Variants in GPC6 observed in about 807,000 individuals in gnomAD.
GPC6 encodes glypican 6.
A neutral mutation model predicts 55.2 loss-of-function variants in GPC6; 14 were observed. The ratio of observed to expected loss-of-function variants is 0.25; its 90% CI spans 0.17 to 0.40. GPC6 has a LOEUF of 0.40. GPC6 is among the 10% of genes least tolerant of loss of function. The pLI is 1.00. For missense variants in GPC6, 641 were observed against 708.5 expected (o/e 0.90, Z 1.08); for synonymous variants, 278 against 259.6 (o/e 1.07, Z -0.68).
At position 93,368,779 on chromosome 13, in the gene GPC6, A is replaced by G. The variant is rs1041437402; in HGVS notation, c.160+141163A>G. On this transcript the variant is annotated intron_variant, in intron 1 of 8. Coordinates refer to ENST00000377047, the MANE Select transcript of GPC6 (RefSeq NM_005708.5). ...CAAAGCATCCAAAACAGCCAAAGCTATTCTACTTATGGTTGTTAATGGACA... is the reference window on the plus strand; with the variant it reads ...CAAAGCATCCAAAACAGCCAAAGCTGTTCTACTTATGGTTGTTAATGGACA... Among the ~76,000 whole-genome samples the G allele has an allele frequency of 6.7e-4, 102 of 152,110 alleles. 3 individuals carry two copies. The highest frequency in any genetic ancestry group is 3.3e-4 in the Admixed American group (5 of 15,254).
At chr13:93,608,472 G>A (rs1282879062) in intron 2 of GPC6, among the ~76,000 whole-genome samples, 1 of 152,160 alleles carries the variant, frequency 6.6e-6, no homozygotes, top group Non-Finnish European at 1.5e-5. Flanking sequence ...ATAATGTGAA[G>A]TATTTTAAGC....
At chr13:93,648,193 A>G (rs1189015357) in intron 2 of GPC6, among the ~76,000 whole-genome samples, 1 of 152,136 alleles carries the variant, frequency 6.6e-6, no homozygotes, top group Non-Finnish European at 1.5e-5. Context: ...TCTTGAGACT[A>G]TGATGGGGAT....
intron 1 of GPC6, among the ~76,000 whole-genome samples, chr13:93,376,255 A>C (rs557880325): frequency 6.6e-6 from 1 of 152,238 alleles, no homozygotes; most frequent in Admixed American, 6.5e-5. Flanking sequence ...AAGTCAAGAT[A>C]TTATGGGCTG....
intron 1 of GPC6, among the ~76,000 whole-genome samples, chr13:93,320,157 T>C (rs1383366140): frequency 2.0e-5 from 3 of 152,154 alleles, no homozygotes; most frequent in Non-Finnish European, 4.4e-5. Context: ...GGAAATATCA[T>C]AATAGACTAT....
At chr13:93,588,375 TGTGTGTGTGTGTG>T (rs1236746609) in intron 2 of GPC6, among the ~76,000 whole-genome samples, 536 of 7,126 alleles carry the variant, frequency 0.075, 6 homozygotes, top group Middle Eastern at 0.17. Flanking sequence ...TAAGTGTGTG[TGTGTGTGTGTGTG>T]TGTGTGTGTG....
chr13:94,391,831 T>C (rs1880659634), intron 7 of GPC6, among the ~76,000 whole-genome samples: 1 of 152,200 alleles, frequency 6.6e-6, no homozygotes, highest in Non-Finnish European at 1.5e-5. Flanking sequence ...CTGACCACCA[T>C]TCTATTTTCT....
rs1235685277 is a variant in GPC6 at position 93,912,396 on chromosome 13, T to TTC, written c.711+81851_711+81852insTC. ...TTTAATTCTTGTTCATGATAGGGTG[T>TTC]ATTAATTTCCTACAGCGGCTGTACC... On this transcript the variant is annotated intron_variant, in intron 3 of 8. Coordinates refer to ENST00000377047, the MANE Select transcript of GPC6 (RefSeq NM_005708.5). 9.8e-5 allele frequency among the ~76,000 whole-genome samples: 15 copies of TTC among 152,306 alleles called. No homozygotes were observed. In the South Asian group the frequency reaches 1.9e-3, roughly 19 times the overall value.
chr13:93,340,454 AATAG>A (rs1176333688), intron 1 of GPC6, among the ~76,000 whole-genome samples: 2 of 152,264 alleles, frequency 1.3e-5, no homozygotes, highest in Non-Finnish European at 2.9e-5. Flanking sequence ...AAACACAGAC[AATAG>A]ATAATTGAAT....
chr13:93,276,640 G>A (rs889669773), intron 1 of GPC6, among the ~76,000 whole-genome samples: 4 of 152,018 alleles, frequency 2.6e-5, no homozygotes, highest in African/African-American at 4.8e-5. Flanking sequence ...AACAAATATA[G>A]GGTGGGGGTA....
At chr13:93,337,721 A>G (rs950613263) in intron 1 of GPC6, among the ~76,000 whole-genome samples, 2 of 152,212 alleles carry the variant, frequency 1.3e-5, no homozygotes, top group African/African-American at 4.8e-5. Flanking sequence ...TTTCTGGTGG[A>G]GATGCTTATG....
At chr13:93,410,964 T>G (rs941675423) in intron 1 of GPC6, among the ~76,000 whole-genome samples, 2 of 152,174 alleles carry the variant, frequency 1.3e-5, no homozygotes, top group African/African-American at 4.8e-5. Context: ...AATGATTGCA[T>G]CCATATATGT....
At chr13:94,318,106 C>A (rs1305610281) in intron 6 of GPC6, among the ~76,000 whole-genome samples, 2 of 152,126 alleles carry the variant, frequency 1.3e-5, no homozygotes, top group African/African-American at 4.8e-5. Context: ...TGAATTGGCA[C>A]CGCTCTCGGC....
chr13:93,396,933 T>C (rs1239235739), intron 1 of GPC6, among the ~76,000 whole-genome samples: 1 of 152,158 alleles, frequency 6.6e-6, no homozygotes, highest in East Asian at 1.9e-4. Context: ...CATCCTACAT[T>C]TTCCATTTAA....
chr13:93,541,183 AC>A (rs1364368227), intron 1 of GPC6, among the ~76,000 whole-genome samples: 1 of 79,250 alleles, frequency 1.3e-5, no homozygotes, highest in Admixed American at 1.8e-4. Flanking sequence ...CCCTCCCCCC[AC>A]CCCACAACAG....
chr13:94,188,151 C>T lies in GPC6; in HGVS notation c.878-98198C>T, dbSNP rs79248655. 3.0e-3 allele frequency among the ~76,000 whole-genome samples: 452 copies of T among 152,294 alleles called. 3 individuals are homozygous for T. The highest frequency in any genetic ancestry group is 0.01 in the African/African-American group (423 of 41,562). The stretch of plus-strand genomic sequence containing the variant: ...AAAAGTATGAATATTACAAATGATA[C>T]TCACTTCATGTCTCAGTGACCTAGA... On this transcript the variant is annotated intron_variant, in intron 4 of 8. Transcript: ENST00000377047.
rs572372750 is a variant in GPC6, at chr13:93,661,373, C to T, written c.319+115952C>T. On this transcript the variant is annotated intron_variant, in intron 2 of 8. Coordinates refer to ENST00000377047, the MANE Select transcript of GPC6 (RefSeq NM_005708.5). ...AGAATACAGGCACCCACCACCATGC[C>T]CGGCTAATTTTTGTATTTTTAGTAC... is the stretch of plus-strand genomic sequence containing the variant. 3.9e-4 allele frequency among the ~76,000 whole-genome samples: 59 copies of T among 152,102 alleles called. 1 individual carries two copies. In the South Asian group the frequency reaches 0.011, roughly 29 times the overall value.
chr13:93,545,206 C>CT, intron 1 of GPC6, 57 bp from the exon 2 acceptor site: 1 of 1,451,844 alleles, frequency 6.9e-7, no homozygotes. Context: ...AGTGAAATCT[C>CT]TAACGTCTAC....
At chr13:94,302,321 C>G (rs1355810989) in intron 5 of GPC6, among the ~76,000 whole-genome samples, 4 of 152,118 alleles carry the variant, frequency 2.6e-5, no homozygotes, top group African/African-American at 9.7e-5. Flanking sequence ...CCACTGTGTC[C>G]TCACATGAGA....
intron 3 of GPC6, among the ~76,000 whole-genome samples, chr13:93,987,380 A>C (rs1881078189): frequency 6.6e-6 from 1 of 152,208 alleles, no homozygotes; most frequent in Non-Finnish European, 1.5e-5. Context: ...TTATGCACTT[A>C]ATAAGAAACA....
Sources: allele counts gnomAD v4.1 joint callset (sites outside exome capture counted in the v4.1 genomes callset), GRCh38; gene constraint gnomAD v4.1.1; transcripts MANE v1.5; gene names NCBI Gene and HGNC (gene_info 2026-07-23, HGNC 2026-07-21).